NEMP1: variants seen among roughly 807,000 people sequenced by gnomAD.
NEMP1 encodes transmembrane protein 194.
Under a neutral mutation model 53.7 loss-of-function variants are expected in NEMP1, and 29 were observed. That is an observed-to-expected ratio of 0.54 (90% CI 0.40 to 0.74). NEMP1 has a LOEUF of 0.74. Among genes scored for constraint, NEMP1 ranks in the 30% least tolerant of loss-of-function variants. NEMP1 has a pLI of 0.00. For missense variants in NEMP1, 477 were observed against 528.6 expected, an observed-to-expected ratio of 0.90 and a Z score of 0.96; for synonymous variants, 193 against 192.9, an observed-to-expected ratio of 1.00 and a Z score of 0.00.
chr12:57,062,574 CAGCACTTTGTAATCCA>C (rs1455102835), intron 7 of NEMP1, among the ~76,000 whole-genome samples: 1 of 152,000 alleles, frequency 6.6e-6, no homozygotes, highest in African/African-American at 2.4e-5. Context: ...TCTGTAATCC[CAGCACTTTGTAATCCA>C]AGCACTTTGG....
At chr12:57,083,114 C>T (rs1056406416), upstream of NEMP1, among the ~76,000 whole-genome samples, 4 of 152,118 alleles carry the variant, frequency 2.6e-5, no homozygotes, top group African/African-American at 9.7e-5. Flanking sequence ...TATATATACA[C>T]ATACTTCATT....
chr12:57,082,831 G>A (rs2032885714), upstream of NEMP1, among the ~76,000 whole-genome samples: 1 of 151,664 alleles, frequency 6.6e-6, no homozygotes. Flanking sequence ...GGGCAACATA[G>A]TGAAACCCCG....
intron 4 of NEMP1, among the ~76,000 whole-genome samples, chr12:57,065,937 T>C (rs1207579312): frequency 1.3e-5 from 2 of 152,068 alleles, no homozygotes; most frequent in African/African-American, 4.8e-5. Flanking sequence ...AGGGTCTTGC[T>C]CTGGATCAGC....
chr12:57,080,752 A>G (rs138369383), upstream of NEMP1, among the ~76,000 whole-genome samples: 2,116 of 152,036 alleles, frequency 0.014, 28 homozygotes, highest in Non-Finnish European at 0.019. Context: ...TTAGCCCAGC[A>G]TGGTGGCAGG....
chr12:57,059,679 C>T lies in NEMP1; in HGVS notation c.*200G>A. On this transcript the variant is annotated 3_prime_UTR_variant, in exon 9 of 9. Transcript: ENST00000300128. ...GAAGTGAACTACCCAGCATTCACTA[C>T]TTTATCCACTCTCCTTCCTCAGGGA... The T allele has an allele frequency of 1.9e-6, 1 of 526,898 alleles. No individual in the cohort carries two copies. The highest frequency in any genetic ancestry group is 3.4e-6 in the Non-Finnish European group (1 of 295,888). 32.6% of individuals were successfully genotyped at this position (526,898 alleles called of 1,614,324 possible). A position where few individuals can be genotyped will look rare whatever the true frequency, so the allele number is the denominator to read the frequency against.
At chr12:57,085,722 T>C (rs1232723151) in intron 1 of NEMP1, among the ~76,000 whole-genome samples, 1 of 152,198 alleles carries the variant, frequency 6.6e-6, no homozygotes, top group Non-Finnish European at 1.5e-5. Flanking sequence ...AGCATCTGAG[T>C]GTGAATTAAT....
At chr12:57,074,589 G>A (rs1397645318) in intron 1 of NEMP1, among the ~76,000 whole-genome samples, 1 of 152,072 alleles carries the variant, frequency 6.6e-6, no homozygotes, top group African/African-American at 2.4e-5. Context: ...ACAGGCGTAA[G>A]CCACCACGCC....
intron 1 of NEMP1, among the ~76,000 whole-genome samples, chr12:57,085,010 T>C (rs2032952428): frequency 6.6e-6 from 1 of 152,194 alleles, no homozygotes. Context: ...GTAATGTACC[T>C]GTACACCTCC....
In NEMP1 at chr12:57,064,087, G is replaced by T; in HGVS notation, c.738C>A (p.Tyr246Ter). 1 of 1,602,754 alleles carries T rather than the reference G, an allele frequency of 6.2e-7. No homozygotes were observed. Among genetic ancestry groups the T allele is most frequent in the Non-Finnish European group, 8.5e-7 (1 of 1,173,242 alleles). ...AACACTTACTTAAAAGATACTGCCA[G>T]TAACACCTCCAGATCTCTTGTAAAT... The part of the protein sequence containing the change: ...FKNLQEIWRC[Y>*]WQYLLSYVLT... The change falls in exon 6 of 9, where the codon TAC becomes TAA. Residue 246 changes from tyrosine (Y) to a stop codon, truncating the protein, a stop_gained. Transcript: ENST00000300128. LOFTEE classifies it high-confidence loss of function.
chr12:57,059,887 G>C lies in NEMP1; in HGVS notation c.1327C>G (p.Leu443Val), dbSNP rs372657029. Residue 443 changes from leucine to valine, a missense_variant, in exon 9 of 9, where the codon CTA (leucine) becomes GTA (valine). By Grantham distance (32) the Leu-to-Val change is conservative. Transcript: ENST00000300128. ...AGATAACTGACCACTACCTAGGTTA[G>C]AAAGTTGTTCTGTGTGATAGCAGGA... ...RCPAITQNNFLT is the reference protein window; with the variant it reads ...RCPAITQNNFVT The C allele has an allele frequency of 1.9e-6, 3 of 1,613,306 alleles. No individual in the cohort carries two copies. In the African/African-American group the frequency reaches 4.0e-5, roughly 22 times the overall value.
chr12:57,073,471 C>T (rs573456759), intron 1 of NEMP1, among the ~76,000 whole-genome samples: 1 of 151,938 alleles, frequency 6.6e-6, no homozygotes, highest in South Asian at 2.1e-4. Flanking sequence ...GAAACCCCCC[C>T]GTCTCTACTA....
At chr12:57,084,827 G>A (rs1329186675) in intron 1 of NEMP1, among the ~76,000 whole-genome samples, 2 of 152,188 alleles carry the variant, frequency 1.3e-5, no homozygotes, top group African/African-American at 4.8e-5. Context: ...ATAGGAATTT[G>A]ACAGAGAAAT....
chr12:57,076,554 T>C (rs1232728813), intron 1 of NEMP1, among the ~76,000 whole-genome samples: 1 of 152,086 alleles, frequency 6.6e-6, no homozygotes, highest in Non-Finnish European at 1.5e-5. Context: ...ACGCCTGTAA[T>C]CCCAGCACTT....
In NEMP1 at chr12:57,066,428, T is replaced by C. The variant is rs73336510; in HGVS notation, c.546-1689A>G. On this transcript the variant is annotated intron_variant, in intron 4 of 8. Coordinates refer to ENST00000300128, the MANE Select transcript of NEMP1 (RefSeq NM_001130963.2). Reference sequence around the variant, plus strand: ...AGAACTTTCCCTTTGCACTCACAACTTGGCTAACTGCTCAGGACAAGAGGT... The same window carrying C: ...AGAACTTTCCCTTTGCACTCACAACCTGGCTAACTGCTCAGGACAAGAGGT... Among the ~76,000 whole-genome samples, 462 of 152,342 alleles carry C rather than the reference T, an allele frequency of 3.0e-3. 3 individuals carry two copies. Among genetic ancestry groups the C allele is most frequent in the African/African-American group, 0.011 (437 of 41,574 alleles).
In NEMP1 at chr12:57,056,399, T is replaced by G. The variant is rs962852911; in HGVS notation, c.*3480A>C. 6.6e-6 allele frequency: 1 copy of G among 152,246 alleles called. No individual in the cohort carries two copies. The highest frequency in any genetic ancestry group is 1.5e-5 in the Non-Finnish European group (1 of 68,040). 9.4% of individuals were successfully genotyped at this position (152,246 alleles called of 1,614,324 possible). On this transcript the variant is annotated 3_prime_UTR_variant, in exon 9 of 9. Transcript: ENST00000300128. ...AAAAGGTTTAGGTGCCTTTGCCTTG[T>G]GCAATGGATATTTCATATGTTTATT...
At position 57,056,570 on chromosome 12, in the gene NEMP1, A is replaced by G. The variant is rs1238640870; in HGVS notation, c.*3309T>C. 1 of 152,164 alleles carries G rather than the reference A, an allele frequency of 6.6e-6. No individual in the cohort carries two copies. Among genetic ancestry groups the G allele is most frequent in the East Asian group, 1.9e-4 (1 of 5,206 alleles). 9.4% of individuals were successfully genotyped at this position (152,164 alleles called of 1,614,324 possible). On this transcript the variant is annotated 3_prime_UTR_variant, in exon 9 of 9. Coordinates refer to ENST00000300128, the MANE Select transcript of NEMP1 (RefSeq NM_001130963.2). ...CCAGAGAATACTAGAAGGACATTTAATTTCCTTTCCTCCTCCTTCCTTTCA... is the reference window on the plus strand; with the variant it reads ...CCAGAGAATACTAGAAGGACATTTAGTTTCCTTTCCTCCTCCTTCCTTTCA...
At chr12:57,073,306 C>T (rs1405994079) in intron 1 of NEMP1, among the ~76,000 whole-genome samples, 3 of 152,022 alleles carry the variant, frequency 2.0e-5, no homozygotes, top group African/African-American at 4.8e-5. Flanking sequence ...CGCCCGCCAC[C>T]GTGCCCGGCT....
At chr12:57,063,434 G>A in intron 6 of NEMP1, 90 bp from the exon 7 acceptor site, 1 of 941,384 alleles carries the variant, frequency 1.1e-6, no homozygotes, top group Non-Finnish European at 1.6e-6. Flanking sequence ...TTACTATATA[G>A]CACCAATTGA....
chr12:57,082,645 G>C (rs371526612), upstream of NEMP1, among the ~76,000 whole-genome samples: 1 of 152,174 alleles, frequency 6.6e-6, no homozygotes, highest in African/African-American at 2.4e-5. Context: ...CTGGGAGGTT[G>C]AGCCTGCAGT....
Sources: allele counts gnomAD v4.1 joint callset (sites outside exome capture counted in the v4.1 genomes callset), GRCh38; gene constraint gnomAD v4.1.1; transcripts MANE v1.5; gene names NCBI Gene and HGNC (gene_info 2026-07-23, HGNC 2026-07-21).